Variants in DMXL2 observed in about 807,000 individuals in gnomAD.
DMXL2 encodes dmX-like protein 2.
In DMXL2, 103 loss-of-function variants were observed where a neutral mutation model predicts 331.1. The ratio of observed to expected loss-of-function variants is 0.31; its 90% confidence interval spans 0.27 to 0.37. The LOEUF is 0.37. Among genes scored for constraint, DMXL2 ranks in the 10% least tolerant of loss-of-function variants. The pLI is 1.00. For synonymous variants in DMXL2, 1,281 were observed against 1,252.1 expected (o/e 1.02, Z -0.49); for missense variants, 3,171 against 3,642.9 (o/e 0.87, Z 3.33).
At chr15:51,573,679 C>G (rs1595575297) in intron 2 of DMXL2, among the ~76,000 whole-genome samples, 5 of 151,828 alleles carry the variant, frequency 3.3e-5, no homozygotes, top group Non-Finnish European at 5.9e-5. Context: ...ACATCACACA[C>G]TGAGGCCTGT....
chr15:51,481,445 G>T lies in DMXL2; in HGVS notation c.5661C>A (p.Thr1887=). The T allele has an allele frequency of 6.2e-7, 1 of 1,612,376 alleles. No individual in the cohort carries two copies. The highest frequency in any genetic ancestry group is 8.5e-7 in the Non-Finnish European group (1 of 1,179,290). The change falls in exon 24 of 44, where the codon ACC becomes ACA. Residue 1887 remains threonine, a synonymous_variant. Transcript: ENST00000560891. ...INLIERKLFF[T]TANAHFKVGC... ...CAACTTTAAAATGAGCATTTGCAGT[G>T]GTAAAGAATAATTTTCTTTCTATGA...
chr15:51,566,256 T>G (rs1402470212), intron 3 of DMXL2, among the ~76,000 whole-genome samples: 1 of 103,992 alleles, frequency 9.6e-6, no homozygotes, highest in South Asian at 2.8e-4. Flanking sequence ...TGTGTGTGTG[T>G]GTGTGTGTGT....
At chr15:51,509,909 A>G (rs1312785184) in intron 15 of DMXL2, among the ~76,000 whole-genome samples, 1 of 152,212 alleles carries the variant, frequency 6.6e-6, no homozygotes, top group Non-Finnish European at 1.5e-5. Flanking sequence ...AACGTACACA[A>G]ATCAATAAAT....
intron 41 of DMXL2, 24 bp from the exon 42 acceptor site, chr15:51,451,721 A>AAAT (rs2039156752): frequency 1.9e-6 from 3 of 1,586,220 alleles, no homozygotes; most frequent in Non-Finnish European, 2.6e-6. Flanking sequence ...ACAATAACAA[A>AAAT]AATACATCAT....
chr15:51,568,617 C>T, intron 2 of DMXL2, 59 bp from the exon 3 acceptor site: 1 of 1,096,986 alleles, frequency 9.1e-7, no homozygotes, highest in Admixed American at 2.6e-5. Flanking sequence ...AGATATCTTC[C>T]TTTTCATAAT....
rs2040604203 is a variant in DMXL2 at position 51,488,070 on chromosome 15, C to G, written c.5101G>C (p.Glu1701Gln). 6.2e-7 allele frequency: 1 copy of G among 1,611,908 alleles called. No homozygotes were observed. The highest frequency in any genetic ancestry group is 8.5e-7 in the Non-Finnish European group (1 of 1,179,210). Residue 1701 changes from glutamate (E) to glutamine (Q), a missense_variant, in exon 22 of 44, where the codon GAA becomes CAA. Glu to Gln is a conservative substitution (Grantham distance 29, BLOSUM62 2). Around this residue, in one of 7 missense-constraint regions of DMXL2, gnomAD observed 252 missense variants for 387.4 expected, o/e 0.65. Coordinates refer to ENST00000560891, the MANE Select transcript of DMXL2 (RefSeq NM_001378457.1). Reference sequence around the variant, plus strand: ...AAAGCAGCTTTTCGCCATCTATCTTCATTAAAGTTGTGGCTGAAAAATGTT... The same window carrying G: ...AAAGCAGCTTTTCGCCATCTATCTTGATTAAAGTTGTGGCTGAAAAATGTT... The part of the protein sequence containing the change: ...MTTFFSHNFN[E>Q]DRWRKAALKN...
At chr15:51,553,181 G>A (rs75153550) in intron 6 of DMXL2, among the ~76,000 whole-genome samples, 1,757 of 152,186 alleles carry the variant, frequency 0.012, 27 homozygotes, top group East Asian at 0.025. Context: ...TTCCTCACCA[G>A]AAATTAAGTC....
intron 24 of DMXL2, 139 bp from the exon 25 acceptor site, chr15:51,480,278 G>A: frequency 1.1e-6 from 1 of 899,440 alleles, no homozygotes. Context: ...TGAGCACCCA[G>A]TATGTACCAG....
At chr15:51,455,117 T>C in intron 40 of DMXL2, 34 bp downstream of exon 40, 1 of 1,508,116 alleles carries the variant, frequency 6.6e-7, no homozygotes, top group Non-Finnish European at 9.2e-7. Context: ...AAGTGTTGTG[T>C]ATATGCGCCC....
intron 1 of DMXL2, among the ~76,000 whole-genome samples, chr15:51,618,553 AT>A (rs1306095436): frequency 6.6e-6 from 1 of 151,980 alleles, no homozygotes; most frequent in Non-Finnish European, 1.5e-5. Context: ...TGGTATTTTA[AT>A]TTAAAAAAAA....
intron 15 of DMXL2, among the ~76,000 whole-genome samples, chr15:51,510,393 A>G (rs571992105): frequency 5.3e-5 from 8 of 152,354 alleles, no homozygotes; most frequent in Non-Finnish European, 8.8e-5. Flanking sequence ...AACAATCACA[A>G]GCATTCCTAT....
At chr15:51,538,778 T>G (rs1209636394) in intron 9 of DMXL2, among the ~76,000 whole-genome samples, 1 of 152,150 alleles carries the variant, frequency 6.6e-6, no homozygotes, top group Non-Finnish European at 1.5e-5. Flanking sequence ...AAATATGAAC[T>G]GGATATTAGA....
intron 34 of DMXL2, 79 bp from the exon 35 acceptor site, chr15:51,458,874 T>C: frequency 4.9e-6 from 6 of 1,221,806 alleles, no homozygotes; most frequent in East Asian, 2.3e-5. Context: ...AAGATTTAAA[T>C]GTAGGATAAG....
chr15:51,563,343 T>C (rs1419628297), intron 6 of DMXL2, 38 bp downstream of exon 6: 1 of 1,462,552 alleles, frequency 6.8e-7, no homozygotes, highest in East Asian at 2.3e-5. Context: ...TAAATTCTTT[T>C]ATTTGTTTAT....
At chr15:51,618,320 T>C (rs544051942) in intron 1 of DMXL2, among the ~76,000 whole-genome samples, 1 of 152,218 alleles carries the variant, frequency 6.6e-6, no homozygotes, top group South Asian at 2.1e-4. Context: ...ATTCTTTTTT[T>C]TTTTTTTTAA....
At chr15:51,463,945 A>G (rs1224811062) in intron 32 of DMXL2, among the ~76,000 whole-genome samples, 1 of 152,214 alleles carries the variant, frequency 6.6e-6, no homozygotes, top group Non-Finnish European at 1.5e-5. Flanking sequence ...TCAAAAAAAA[A>G]AGCATGCTGC....
intron 15 of DMXL2, among the ~76,000 whole-genome samples, chr15:51,513,827 G>T (rs2046888557): frequency 6.6e-6 from 1 of 151,944 alleles, no homozygotes; most frequent in Admixed American, 6.6e-5. Context: ...AATTTTATTT[G>T]CCAATTTAAA....
chr15:51,576,020 T>C (rs2051003583), intron 2 of DMXL2, 36 bp downstream of exon 2: 2 of 1,565,024 alleles, frequency 1.3e-6, no homozygotes. Context: ...AAACACATTT[T>C]TAAATGACAT....
intron 2 of DMXL2, among the ~76,000 whole-genome samples, chr15:51,569,682 C>G (rs1162344430): frequency 6.6e-6 from 1 of 152,178 alleles, no homozygotes; most frequent in Non-Finnish European, 1.5e-5. Flanking sequence ...GATACCCAGG[C>G]AAACAGGGTC....
Sources: allele counts gnomAD v4.1 joint callset (sites outside exome capture counted in the v4.1 genomes callset), GRCh38; gene constraint gnomAD v4.1.1; regional missense constraint gnomAD v4.1.1; transcripts MANE v1.5; gene names NCBI Gene and HGNC (gene_info 2026-07-23, HGNC 2026-07-21).